The following GPC5 variants were observed in gnomAD, a reference collection of about 807,000 sequenced individuals.
GPC5 encodes the protein glypican-5.
A neutral mutation model predicts 53.9 loss-of-function variants in GPC5; 47 were observed. That is an observed-to-expected ratio of 0.87 (90% confidence interval 0.69 to 1.11). GPC5 has a LOEUF of 1.11. Ranked by LOEUF, GPC5 falls within the 50% of genes most tolerant of loss-of-function variation. The pLI is 0.00. For missense variants in GPC5, 748 were observed against 713.1 expected, an observed-to-expected ratio of 1.05 and a Z score of -0.56; for synonymous variants, 286 against 263.3, an observed-to-expected ratio of 1.09 and a Z score of -0.84.
chr13:92,384,255 A>T (rs1331881393), intron 7 of GPC5, among the ~76,000 whole-genome samples: 1 of 152,084 alleles, frequency 6.6e-6, no homozygotes, highest in Non-Finnish European at 1.5e-5. Flanking sequence ...TGATTTTGCA[A>T]ATACAGCATT....
At chr13:91,801,162 A>T (rs1220334144) in intron 5 of GPC5, among the ~76,000 whole-genome samples, 1 of 151,972 alleles carries the variant, frequency 6.6e-6, no homozygotes, top group East Asian at 1.9e-4. Flanking sequence ...GTAAGAAAGC[A>T]TTTGTTTAAT....
intron 6 of GPC5, among the ~76,000 whole-genome samples, chr13:91,967,594 A>T (rs2040192931): frequency 6.6e-6 from 1 of 152,084 alleles, no homozygotes; most frequent in South Asian, 2.1e-4. Context: ...TTTACTAATG[A>T]TCATAAAGTT....
intron 7 of GPC5, among the ~76,000 whole-genome samples, chr13:92,825,765 T>G (rs1208350708): frequency 6.6e-6 from 1 of 152,152 alleles, no homozygotes; most frequent in East Asian, 1.9e-4. Context: ...TATGTCCTTG[T>G]AAAAGGTATA....
At chr13:92,373,353 G>A (rs529493099) in intron 7 of GPC5, among the ~76,000 whole-genome samples, 2 of 152,278 alleles carry the variant, frequency 1.3e-5, no homozygotes, top group African/African-American at 2.4e-5. Context: ...CTATGTGATC[G>A]ATACCAGTAT....
chr13:92,714,360 T>C (rs1258388309), intron 7 of GPC5, among the ~76,000 whole-genome samples: 1 of 152,232 alleles, frequency 6.6e-6, no homozygotes, highest in Non-Finnish European at 1.5e-5. Context: ...CATGTGACTA[T>C]GAACAAAGAA....
intron 7 of GPC5, among the ~76,000 whole-genome samples, chr13:92,527,165 AAAGAAAGAGAAAGAAAG>A (rs1566276708): frequency 6.7e-4 from 87 of 128,970 alleles, no homozygotes; most frequent in East Asian, 1.3e-3. Context: ...AGAAAGAAAG[AAAGAAAGAGAAAGAAAG>A]AAGAAAGAAA....
intron 7 of GPC5, among the ~76,000 whole-genome samples, chr13:92,166,995 CAT>C (rs1188961460): frequency 3.6e-4 from 52 of 143,416 alleles, no homozygotes; most frequent in South Asian, 8.6e-4. Context: ...CACACACACA[CAT>C]ATACACACGC....
intron 7 of GPC5, among the ~76,000 whole-genome samples, chr13:92,422,473 C>G (rs1022071320): frequency 1.4e-5 from 2 of 146,810 alleles, no homozygotes; most frequent in Non-Finnish European, 3.0e-5. Context: ...TCTGTAAGCA[C>G]CACCCATCAC....
intron 7 of GPC5, among the ~76,000 whole-genome samples, chr13:92,579,014 A>T (rs1230373809): frequency 6.6e-6 from 1 of 152,198 alleles, no homozygotes; most frequent in African/African-American, 2.4e-5. Context: ...AATTAACTGC[A>T]ATAGTAGCTT....
chr13:92,128,359 G>A (rs1566447551), intron 6 of GPC5, among the ~76,000 whole-genome samples: 2 of 152,144 alleles, frequency 1.3e-5, no homozygotes, highest in African/African-American at 2.4e-5. Context: ...CATCTCTAAA[G>A]CCTTTATGAT....
At chr13:91,821,913 G>T (rs1350360149) in intron 5 of GPC5, among the ~76,000 whole-genome samples, 1 of 152,076 alleles carries the variant, frequency 6.6e-6, no homozygotes, top group Non-Finnish European at 1.5e-5. Flanking sequence ...AAACAATCAA[G>T]GTTTAATGTG....
At chr13:91,443,176 C>T (rs1384504666) in intron 1 of GPC5, among the ~76,000 whole-genome samples, 1 of 152,064 alleles carries the variant, frequency 6.6e-6, no homozygotes, top group Non-Finnish European at 1.5e-5. Flanking sequence ...TCATGTCTCC[C>T]CAATATTTAT....
intron 7 of GPC5, among the ~76,000 whole-genome samples, chr13:92,332,413 G>A (rs1000846250): frequency 1.3e-5 from 2 of 152,070 alleles, no homozygotes; most frequent in Non-Finnish European, 2.9e-5. Flanking sequence ...TAATTGCATG[G>A]GATTTAAAGT....
At chr13:92,377,185 G>A (rs904929767) in intron 7 of GPC5, among the ~76,000 whole-genome samples, 2 of 152,104 alleles carry the variant, frequency 1.3e-5, no homozygotes, top group African/African-American at 2.4e-5. Context: ...TTTTGCCTAC[G>A]CTTGCAGTGC....
chr13:92,587,267 A>C (rs9584044), intron 7 of GPC5, among the ~76,000 whole-genome samples: 4,722 of 152,308 alleles, frequency 0.031, 215 homozygotes, highest in African/African-American at 0.096. Context: ...AACTACTTAC[A>C]TTTGTAAATC....
At chr13:92,049,870 C>T (rs746447045) in intron 6 of GPC5, among the ~76,000 whole-genome samples, 21 of 151,866 alleles carry the variant, frequency 1.4e-4, no homozygotes, top group Non-Finnish European at 2.9e-4. Context: ...TTTTTTTAGC[C>T]ACAAAATAGT....
At chr13:91,504,647 A>G (rs190574294) in intron 2 of GPC5, among the ~76,000 whole-genome samples, 486 of 152,330 alleles carry the variant, frequency 3.2e-3, no homozygotes, top group Non-Finnish European at 4.8e-3. Context: ...AGACATTATG[A>G]AAACACCGTG....
chr13:91,938,778 G>A (rs1383865776), intron 6 of GPC5, among the ~76,000 whole-genome samples: 1 of 152,000 alleles, frequency 6.6e-6, no homozygotes, highest in African/African-American at 2.4e-5. Context: ...GACAAATGTA[G>A]GTATGTTAAA....
intron 7 of GPC5, among the ~76,000 whole-genome samples, chr13:92,622,423 C>T (rs1281616334): frequency 6.6e-6 from 1 of 152,190 alleles, no homozygotes; most frequent in Non-Finnish European, 1.5e-5. Flanking sequence ...AATAGTTCCC[C>T]TATTAAAATG....
Sources: allele counts gnomAD v4.1 joint callset (sites outside exome capture counted in the v4.1 genomes callset), GRCh38; gene constraint gnomAD v4.1.1; transcripts MANE v1.5; gene names NCBI Gene and HGNC (gene_info 2026-07-23, HGNC 2026-07-21).